MGAT4C: variants seen among roughly 807,000 people sequenced by gnomAD.
The protein encoded by MGAT4C is MGAT4 family member C, also known as alpha-1,3-mannosyl-glycoprotein 4-beta-N-acetylglucosaminyltransferase C.
A neutral mutation model predicts 40.1 loss-of-function variants in MGAT4C; 19 were observed. That is an observed-to-expected ratio of 0.47 (90% CI 0.33 to 0.70). The LOEUF (loss-of-function observed/expected upper bound fraction) is 0.70. Ranked by LOEUF, MGAT4C falls within the 30% of genes least tolerant of loss-of-function variation. MGAT4C has a pLI of 0.02. For synonymous variants in MGAT4C, 181 were observed against 187.1 expected, an observed-to-expected ratio of 0.97 and a Z score of 0.27; for missense variants, 491 against 563.2, an observed-to-expected ratio of 0.87 and a Z score of 1.30.
chr12:86,004,889 T>A (rs933313240), intron 2 of MGAT4C, among the ~76,000 whole-genome samples: 1 of 152,192 alleles, frequency 6.6e-6, no homozygotes, highest in African/African-American at 2.4e-5. Context: ...ATGAACCACA[T>A]GTGTAACTGT....
intron 2 of MGAT4C, among the ~76,000 whole-genome samples, chr12:86,506,356 T>TA (rs1958472720): frequency 6.6e-6 from 1 of 152,140 alleles, no homozygotes. Context: ...AACAAATATA[T>TA]TTTTTAAAGA....
At chr12:86,042,396 T>C (rs1202456759) in intron 2 of MGAT4C, among the ~76,000 whole-genome samples, 1 of 152,212 alleles carries the variant, frequency 6.6e-6, no homozygotes, top group Non-Finnish European at 1.5e-5. Context: ...GTAGTTGCTT[T>C]ATAGTGTCAA....
At chr12:86,108,786 T>G (rs774319524) in intron 1 of MGAT4C, among the ~76,000 whole-genome samples, 5 of 152,178 alleles carry the variant, frequency 3.3e-5, no homozygotes, top group African/African-American at 4.8e-5. Flanking sequence ...TGAATATTTA[T>G]AGCTCCTCTT....
intron 2 of MGAT4C, among the ~76,000 whole-genome samples, chr12:86,521,757 G>A (rs1423237844): frequency 1.3e-5 from 2 of 151,660 alleles, no homozygotes; most frequent in African/African-American, 4.8e-5. Flanking sequence ...TTCCCATTTG[G>A]TTGTCATTCC....
chr12:86,521,746 T>C (rs1958798246), intron 2 of MGAT4C, among the ~76,000 whole-genome samples: 1 of 152,164 alleles, frequency 6.6e-6, no homozygotes, highest in African/African-American at 2.4e-5. Context: ...CATGGAATGT[T>C]TTCCCATTTG....
At chr12:86,134,789 C>T (rs1190649718) in intron 1 of MGAT4C, among the ~76,000 whole-genome samples, 1 of 152,010 alleles carries the variant, frequency 6.6e-6, no homozygotes. Context: ...AAGAAGAGTG[C>T]CGATCTCTAA....
At chr12:86,138,340 T>G (rs1389448847) in intron 1 of MGAT4C, among the ~76,000 whole-genome samples, 3 of 151,350 alleles carry the variant, frequency 2.0e-5, no homozygotes, top group African/African-American at 4.9e-5. Flanking sequence ...TAGACTTTTC[T>G]TCTCAGGGTT....
chr12:86,655,389 A>G (rs1963820328), intron 2 of MGAT4C, among the ~76,000 whole-genome samples: 1 of 152,110 alleles, frequency 6.6e-6, no homozygotes, highest in South Asian at 2.1e-4. Flanking sequence ...GCATAGAGAA[A>G]AGTCACTGGA....
intron 2 of MGAT4C, among the ~76,000 whole-genome samples, chr12:86,519,852 G>T (rs562295742): frequency 3.3e-5 from 5 of 152,082 alleles, no homozygotes; most frequent in African/African-American, 1.2e-4. Context: ...CATTCTGTGG[G>T]TTATTACTTT....
chr12:86,783,341 C>G (rs762236223), intron 1 of MGAT4C, among the ~76,000 whole-genome samples: 5 of 152,106 alleles, frequency 3.3e-5, no homozygotes, highest in Non-Finnish European at 7.4e-5. Flanking sequence ...TATATTTACA[C>G]AGTTTGATGT....
chr12:86,012,106 C>T (rs1333400242), intron 2 of MGAT4C, among the ~76,000 whole-genome samples: 1 of 152,162 alleles, frequency 6.6e-6, no homozygotes, highest in African/African-American at 2.4e-5. Context: ...ATTATATTAT[C>T]ATGATTTGAG....
chr12:86,220,508 A>C (rs905548184), intron 1 of MGAT4C, among the ~76,000 whole-genome samples: 5 of 152,186 alleles, frequency 3.3e-5, no homozygotes, highest in Non-Finnish European at 7.3e-5. Flanking sequence ...TACCACCCTA[A>C]TCCCTTAATT....
chr12:86,275,406 A>C (rs940446497), intron 4 of MGAT4C, among the ~76,000 whole-genome samples: 7 of 152,206 alleles, frequency 4.6e-5, no homozygotes, highest in African/African-American at 1.7e-4. Flanking sequence ...ATGAAGGTAA[A>C]TGAAATAATG....
chr12:86,135,316 G>T (rs967243330), intron 1 of MGAT4C, among the ~76,000 whole-genome samples: 1 of 152,122 alleles, frequency 6.6e-6, no homozygotes, highest in African/African-American at 2.4e-5. Flanking sequence ...TATGGTAGGA[G>T]GAACTAATGG....
At chr12:86,787,356 A>G (rs1951948167) in intron 1 of MGAT4C, among the ~76,000 whole-genome samples, 1 of 152,112 alleles carries the variant, frequency 6.6e-6, no homozygotes, top group Non-Finnish European at 1.5e-5. Context: ...TCAATTTTGT[A>G]TATGTGTATG....
At chr12:86,598,514 A>G (rs1961629340) in intron 2 of MGAT4C, among the ~76,000 whole-genome samples, 1 of 152,122 alleles carries the variant, frequency 6.6e-6, no homozygotes, top group African/African-American at 2.4e-5. Flanking sequence ...AGGAAAAGCT[A>G]GTCTTTAAAA....
chr12:86,609,057 A>G (rs534676707), intron 2 of MGAT4C, among the ~76,000 whole-genome samples: 1 of 152,306 alleles, frequency 6.6e-6, no homozygotes, highest in African/African-American at 2.4e-5. Context: ...AAGAAATTGT[A>G]GGCATGCTAA....
At chr12:86,348,785 A>G (rs1955095445) in intron 3 of MGAT4C, among the ~76,000 whole-genome samples, 1 of 152,108 alleles carries the variant, frequency 6.6e-6, no homozygotes, top group South Asian at 2.1e-4. Flanking sequence ...GGTATATTAC[A>G]ATGATGTGTA....
rs868677853 is a variant in MGAT4C, at chr12:86,038,679, C to T, written c.-7+10995G>A. Among the ~76,000 whole-genome samples the T allele has an allele frequency of 8.7e-5, 13 of 149,674 alleles. 3 individuals carry two copies. Among genetic ancestry groups the T allele is most frequent in the South Asian group, 2.1e-4 (1 of 4,758 alleles). ...AATACAGCACACCGATGGGTCTTGA[C>T]TCTATCCAATTTGCAAGGCTTTATC... On this transcript the variant is annotated intron_variant, in intron 2 of 4. Coordinates refer to ENST00000611864, the MANE Select transcript of MGAT4C (RefSeq NM_001351288.2).
Sources: allele counts gnomAD v4.1 joint callset (sites outside exome capture counted in the v4.1 genomes callset), GRCh38; gene constraint gnomAD v4.1.1; transcripts MANE v1.5; gene names NCBI Gene and HGNC (gene_info 2026-07-23, HGNC 2026-07-21).